The following SLC23A2 variants were observed in gnomAD, a reference collection of about 807,000 sequenced individuals.
SLC23A2 encodes Na(+)/L-ascorbic acid transporter 2.
A neutral mutation model predicts 73.3 loss-of-function variants in SLC23A2; 36 were observed. The observed-to-expected ratio is 0.49, with a 90% confidence interval of 0.38 to 0.65. The LOEUF is 0.65. Among genes scored for constraint, SLC23A2 ranks in the 30% least tolerant of loss-of-function variants. The probability of loss-of-function intolerance (pLI) is 0.00; values close to 1 mark genes in which losing one functional copy is unlikely to be tolerated. For synonymous variants in SLC23A2, 343 were observed against 327.3 expected (o/e 1.05, Z -0.52); for missense variants, 507 against 841.6 (o/e 0.60, Z 4.92).
intron 2 of SLC23A2, among the ~76,000 whole-genome samples, chr20:4,956,029 A>G (rs1238462742): frequency 6.6e-6 from 1 of 152,196 alleles, no homozygotes; most frequent in Non-Finnish European, 1.5e-5. Flanking sequence ...TAGAAAACTC[A>G]GGGCAGAAAA....
intron 3 of SLC23A2, among the ~76,000 whole-genome samples, chr20:4,915,257 A>G (rs949421669): frequency 6.6e-6 from 1 of 152,154 alleles, no homozygotes; most frequent in African/African-American, 2.4e-5. Context: ...GACACCTTTC[A>G]TCTTTTTACT....
intron 6 of SLC23A2, among the ~76,000 whole-genome samples, chr20:4,889,918 T>G (rs1600103346): frequency 6.6e-6 from 1 of 152,132 alleles, no homozygotes; most frequent in African/African-American, 2.4e-5. Context: ...GAGTGGTGAT[T>G]AGATTAAAAG....
intron 2 of SLC23A2, among the ~76,000 whole-genome samples, chr20:4,959,554 G>A (rs928992454): frequency 5.3e-5 from 8 of 152,078 alleles, no homozygotes; most frequent in African/African-American, 1.5e-4. Flanking sequence ...CTGGAGTGCC[G>A]TAGTACAATC....
At chr20:4,924,168 G>T (rs1932591386) in intron 3 of SLC23A2, among the ~76,000 whole-genome samples, 1 of 152,112 alleles carries the variant, frequency 6.6e-6, no homozygotes, top group African/African-American at 2.4e-5. Flanking sequence ...CAGCCCCACA[G>T]GCCCCAGGTC....
At chr20:4,870,737 C>T (rs1259381763) in intron 11 of SLC23A2, among the ~76,000 whole-genome samples, 1 of 152,146 alleles carries the variant, frequency 6.6e-6, no homozygotes, top group Non-Finnish European at 1.5e-5. Context: ...CCCTGCTGTA[C>T]AGAGCAGGGT....
At chr20:4,931,623 T>C (rs1430054660) in intron 3 of SLC23A2, among the ~76,000 whole-genome samples, 1 of 151,914 alleles carries the variant, frequency 6.6e-6, no homozygotes, top group Non-Finnish European at 1.5e-5. Context: ...CCAGCTGTGG[T>C]AGACTACAGG....
chr20:4,996,488 C>A (rs1167154437), intron 1 of SLC23A2, among the ~76,000 whole-genome samples: 1 of 151,898 alleles, frequency 6.6e-6, no homozygotes, highest in Non-Finnish European at 1.5e-5. Context: ...GAGTTTGAGA[C>A]CAGGCTGGCC....
intron 1 of SLC23A2, among the ~76,000 whole-genome samples, chr20:5,007,942 T>C (rs1170851957): frequency 6.6e-6 from 1 of 151,844 alleles, no homozygotes; most frequent in African/African-American, 2.4e-5. Flanking sequence ...AGAGTTTTGC[T>C]CTTGTTGCCC....
intron 2 of SLC23A2, among the ~76,000 whole-genome samples, chr20:4,957,919 C>A (rs868193402): frequency 8.1e-4 from 118 of 146,164 alleles, no homozygotes; most frequent in African/African-American, 2.9e-3. Flanking sequence ...AAAAAAAAAA[C>A]TTATTAAATT....
At chr20:4,927,647 G>A (rs1041878059) in intron 3 of SLC23A2, among the ~76,000 whole-genome samples, 2 of 152,072 alleles carry the variant, frequency 1.3e-5, no homozygotes, top group African/African-American at 4.8e-5. Flanking sequence ...GTTTTCCCTA[G>A]ACTTCATATT....
In SLC23A2 at chr20:4,947,222, G is replaced by T. The variant is rs1160068805; in HGVS notation, c.-154-14506C>A. Among the ~76,000 whole-genome samples, 2 of 152,276 alleles carry T rather than the reference G, an allele frequency of 1.3e-5. No individual in the cohort carries two copies. The highest frequency in any genetic ancestry group is 4.8e-5 in the African/African-American group (2 of 41,570). ...GGACACAGTGTCCAATGCATAAAAG[G>T]CATTCAAATACTTGGGGAAATCCCT... On this transcript the variant is annotated intron_variant, in intron 2 of 16. Transcript: ENST00000338244. This position sits in a 1 kb window ranked among gnomAD's most constrained non-coding sequence, Gnocchi z 4.4.
chr20:4,915,808 C>T (rs888892848), intron 3 of SLC23A2, among the ~76,000 whole-genome samples: 2 of 151,996 alleles, frequency 1.3e-5, no homozygotes, highest in African/African-American at 4.8e-5. Context: ...ATTAGCTGGG[C>T]GTGGTGATGG....
intron 13 of SLC23A2, among the ~76,000 whole-genome samples, chr20:4,864,352 A>G (rs1930107402): frequency 4.6e-5 from 7 of 152,190 alleles, no homozygotes. Flanking sequence ...CCCTCAAAGG[A>G]CCAGGGTCAG....
chr20:4,857,364 T>C lies in SLC23A2; in HGVS notation c.1721-160A>G, dbSNP rs934142557. ...GTCCCACAGATCAAACCTGCCTAGA[T>C]AACAGCAAAGAATACTTGAGGAGGT... On this transcript the variant is annotated intron_variant, in intron 16 of 16. Transcript: ENST00000338244. The surrounding 1 kb of genome is among the most constrained non-coding windows in gnomAD (Gnocchi z 4.0). 6.8e-5 allele frequency among the ~76,000 whole-genome samples: 10 copies of C among 148,106 alleles called. No individual in the cohort carries two copies. In the Admixed American group the frequency reaches 6.8e-4, roughly 10 times the overall value.
chr20:4,886,451 C>G (rs368313848), intron 6 of SLC23A2, among the ~76,000 whole-genome samples: 2 of 152,126 alleles, frequency 1.3e-5, no homozygotes, highest in East Asian at 1.9e-4. Context: ...AACGTGACAG[C>G]AGATAAAATA....
Position 4,862,642 on chromosome 20 carries a change from T to C in SLC23A2, c.1486+136A>G, listed in dbSNP as rs1267166127. 7 of 747,298 alleles carry C rather than the reference T, an allele frequency of 9.4e-6. No individual in the cohort carries two copies. The highest frequency in any genetic ancestry group is 5.3e-5 in the African/African-American group (3 of 56,904). 46.3% of individuals were successfully genotyped at this position (747,298 alleles called of 1,614,324 possible). Reference sequence around the variant, plus strand: ...TCAGAGAGTGATAAAAGTTTTCATTTTTTGAAGGCATATCCTTTGTATTTT... The same window carrying C: ...TCAGAGAGTGATAAAAGTTTTCATTCTTTGAAGGCATATCCTTTGTATTTT... On this transcript the variant is annotated intron_variant, in intron 14 of 16. Transcript: ENST00000338244. This position sits in a 1 kb window ranked among gnomAD's most constrained non-coding sequence, Gnocchi z 5.1.
At chr20:4,949,222 A>T (rs1168828176) in intron 2 of SLC23A2, among the ~76,000 whole-genome samples, 1 of 149,956 alleles carries the variant, frequency 6.7e-6, no homozygotes, top group African/African-American at 2.5e-5. Context: ...TGGGAGGCGG[A>T]GATTGCAGTG....
intron 1 of SLC23A2, among the ~76,000 whole-genome samples, chr20:4,972,748 G>C (rs2087583912): frequency 6.6e-6 from 1 of 152,058 alleles, no homozygotes; most frequent in Non-Finnish European, 1.5e-5. Flanking sequence ...ACCATGCCTG[G>C]CTAATTTTTT....
At chr20:4,988,975 A>G (rs897983706) in intron 1 of SLC23A2, among the ~76,000 whole-genome samples, 8 of 151,874 alleles carry the variant, frequency 5.3e-5, no homozygotes, top group Non-Finnish European at 1.0e-4. Flanking sequence ...GGTGGCTCAC[A>G]TTTGTAATCC....
Sources: allele counts gnomAD v4.1 joint callset (sites outside exome capture counted in the v4.1 genomes callset), GRCh38; gene constraint gnomAD v4.1.1; non-coding constraint Gnocchi (gnomAD v3.1); transcripts MANE v1.5; gene names NCBI Gene and HGNC (gene_info 2026-07-23, HGNC 2026-07-21).